Variants in CSMD1 observed in about 807,000 individuals in gnomAD.
The protein encoded by CSMD1 is CUB and Sushi multiple domains 1.
In CSMD1, 213 loss-of-function variants were observed where a neutral mutation model predicts 417.5. That is an observed-to-expected ratio of 0.51 (90% CI 0.46 to 0.57). The LOEUF is 0.57. CSMD1 is among the 20% of genes least tolerant of loss of function. The probability of loss-of-function intolerance (pLI) is 0.00; values close to 1 mark genes in which losing one functional copy is unlikely to be tolerated. For missense variants in CSMD1, 6,923 were observed against 4,529.7 expected (o/e 1.53, Z -15.17); for synonymous variants, 2,862 against 1,736.8 (o/e 1.65, Z -16.11).
rs1012569840 is a variant in CSMD1 at position 3,321,739 on chromosome 8, A to G, written c.3632-13236T>C. Among the ~76,000 whole-genome samples the G allele has an allele frequency of 3.5e-4, 53 of 152,304 alleles. 1 individual carries two copies. The highest frequency in any genetic ancestry group is 1.3e-3 in the African/African-American group (53 of 41,574). On this transcript the variant is annotated intron_variant, in intron 23 of 69. Coordinates refer to ENST00000635120, the MANE Select transcript of CSMD1 (RefSeq NM_033225.6). ...CAAATAAAGTAGTAAGCTTCTAGTG[A>G]TTTCAAAGTGTTATAAAAACACAAA...
At chr8:3,400,165 T>G (rs1456603955) in intron 15 of CSMD1, among the ~76,000 whole-genome samples, 1 of 152,180 alleles carries the variant, frequency 6.6e-6, no homozygotes, top group Non-Finnish European at 1.5e-5. Context: ...TACTGCTCAG[T>G]GAAAGTGATT....
rs75292159 is a variant in CSMD1, at chr8:4,172,609, T to C, written c.416-140510A>G. Among the ~76,000 whole-genome samples the C allele has an allele frequency of 4.4e-3, 665 of 152,312 alleles. 23 individuals carry two copies. The East Asian group carries it at 0.063, about 14-fold the overall frequency. ...GGTAAGGAACATCTAACTAAGCTCATGGAACCCACCCTCCTGGTATTTATG... is the reference window on the plus strand; with the variant it reads ...GGTAAGGAACATCTAACTAAGCTCACGGAACCCACCCTCCTGGTATTTATG... On this transcript the variant is annotated intron_variant, in intron 3 of 69. Coordinates refer to ENST00000635120, the MANE Select transcript of CSMD1 (RefSeq NM_033225.6).
chr8:3,279,631 C>G (rs1362245384), intron 26 of CSMD1, among the ~76,000 whole-genome samples: 3 of 152,096 alleles, frequency 2.0e-5, no homozygotes, highest in Non-Finnish European at 2.9e-5. Context: ...AAAAACATAC[C>G]TGAGACTGGG....
chr8:4,785,387 C>G (rs1219434144), intron 1 of CSMD1, among the ~76,000 whole-genome samples: 1 of 152,118 alleles, frequency 6.6e-6, no homozygotes, highest in Non-Finnish European at 1.5e-5. Context: ...GAAGAGGTAC[C>G]TCAGTTCAGA....
chr8:3,651,046 C>T (rs1294459022), intron 7 of CSMD1, among the ~76,000 whole-genome samples: 1 of 152,134 alleles, frequency 6.6e-6, no homozygotes, highest in Non-Finnish European at 1.5e-5. Flanking sequence ...ACAGCTTACC[C>T]ACCAGAATAT....
At chr8:3,300,888 G>A (rs1804339470) in intron 25 of CSMD1, among the ~76,000 whole-genome samples, 1 of 148,928 alleles carries the variant, frequency 6.7e-6, no homozygotes, top group African/African-American at 2.5e-5. Context: ...GAACCCAGGA[G>A]GCTGAGGTTG....
intron 3 of CSMD1, among the ~76,000 whole-genome samples, chr8:4,163,231 C>T (rs903095994): frequency 6.6e-6 from 1 of 152,066 alleles, no homozygotes; most frequent in East Asian, 1.9e-4. Context: ...AAGTTTTTAG[C>T]TCCTTCAGAT....
intron 2 of CSMD1, among the ~76,000 whole-genome samples, chr8:4,426,753 T>C (rs1162505327): frequency 1.4e-5 from 2 of 147,958 alleles, no homozygotes; most frequent in African/African-American, 4.9e-5. Context: ...TATAGTAATA[T>C]AGTAATATTT....
chr8:4,503,465 A>G (rs954033562), intron 2 of CSMD1, among the ~76,000 whole-genome samples: 1 of 152,204 alleles, frequency 6.6e-6, no homozygotes, highest in African/African-American at 2.4e-5. Context: ...ATTTAGAAAA[A>G]GATACTTACC....
At position 3,449,520 on chromosome 8, in the gene CSMD1, A is replaced by ATT. The variant is rs59420305; in HGVS notation, c.1561+19190_1561+19191dup. Among the ~76,000 whole-genome samples, 247 of 146,002 alleles carry ATT rather than the reference A, an allele frequency of 1.7e-3. 6 individuals carry two copies. In the East Asian group the frequency reaches 0.039, roughly 23 times the overall value. Reference sequence around the variant, plus strand: ...AATGAACATACCTCTCATGACAGCAATTTTTTTTTTTTTTAAGATGGAGTT... The same window carrying ATT: ...AATGAACATACCTCTCATGACAGCAATTTTTTTTTTTTTTTTAAGATGGAGTT... On this transcript the variant is annotated intron_variant, in intron 12 of 69. Transcript: ENST00000635120.
intron 2 of CSMD1, among the ~76,000 whole-genome samples, chr8:4,443,294 G>A (rs551801216): frequency 4.6e-5 from 7 of 152,026 alleles, no homozygotes; most frequent in East Asian, 1.9e-4. Flanking sequence ...TTTTGTATTC[G>A]CTAGAAAATA....
intron 2 of CSMD1, among the ~76,000 whole-genome samples, chr8:4,421,033 C>G (rs975772647): frequency 6.6e-6 from 1 of 152,092 alleles, no homozygotes; most frequent in Non-Finnish European, 1.5e-5. Context: ...TTTTTTAATT[C>G]AGTCCCCTTA....
At chr8:3,642,477 C>T (rs183152686) in intron 7 of CSMD1, among the ~76,000 whole-genome samples, 1 of 152,058 alleles carries the variant, frequency 6.6e-6, no homozygotes, top group Non-Finnish European at 1.5e-5. Flanking sequence ...AAGTAGTGAC[C>T]CAAGCAAACA....
chr8:2,938,585 C>T lies in CSMD1; in HGVS notation c.10695G>A (p.Ter3565=), dbSNP rs1419899758. ...TTLNTVCTVV[*] ...ATCAGTCCTGTTGGGGCACTGAGGG[C>T]TATACCACTGTACAGACTGTGTTCA... Residue 3565 remains the stop codon, a stop_retained_variant, in exon 70 of 70, where the codon TAG becomes TAA. Transcript: ENST00000635120. The T allele has an allele frequency of 6.2e-7, 1 of 1,610,810 alleles. No homozygotes were observed. Among genetic ancestry groups the T allele is most frequent in the Non-Finnish European group, 8.5e-7 (1 of 1,178,512 alleles).
intron 3 of CSMD1, among the ~76,000 whole-genome samples, chr8:4,112,519 A>G (rs1345884690): frequency 6.6e-6 from 1 of 152,154 alleles, no homozygotes; most frequent in African/African-American, 2.4e-5. Flanking sequence ...AAGTTTGGAA[A>G]AGACATCCCA....
At chr8:3,738,585 G>C (rs1796642282) in intron 6 of CSMD1, among the ~76,000 whole-genome samples, 1 of 152,114 alleles carries the variant, frequency 6.6e-6, no homozygotes, top group Admixed American at 6.5e-5. Context: ...CTTGTCACGG[G>C]GATGGCAAAC....
chr8:4,202,118 T>C (rs1471743972), intron 3 of CSMD1, among the ~76,000 whole-genome samples: 1 of 152,046 alleles, frequency 6.6e-6, no homozygotes, highest in Non-Finnish European at 1.5e-5. Context: ...TTTTTTTTTC[T>C]AGAGAAAACA....
chr8:3,226,372 C>A (rs564599062), intron 27 of CSMD1, among the ~76,000 whole-genome samples: 10 of 152,112 alleles, frequency 6.6e-5, no homozygotes, highest in Non-Finnish European at 1.3e-4. Flanking sequence ...CATCTGAGGG[C>A]AGGAGTTCGA....
At chr8:4,832,539 G>A (rs115142592) in intron 1 of CSMD1, among the ~76,000 whole-genome samples, 1 of 152,170 alleles carries the variant, frequency 6.6e-6, no homozygotes, top group Non-Finnish European at 1.5e-5. Context: ...ATGGAGGCAT[G>A]AGGTATGCAA....
Sources: allele counts gnomAD v4.1 joint callset (sites outside exome capture counted in the v4.1 genomes callset), GRCh38; gene constraint gnomAD v4.1.1; transcripts MANE v1.5; gene names NCBI Gene and HGNC (gene_info 2026-07-23, HGNC 2026-07-21).